The following MYO16 variants were observed in gnomAD, a reference collection of about 807,000 sequenced individuals.
MYO16 encodes myosin XVI.
A neutral mutation model predicts 205.3 loss-of-function variants in MYO16; 94 were observed. That is an observed-to-expected ratio of 0.46 (90% CI 0.39 to 0.54). MYO16 has a LOEUF of 0.54. MYO16 is among the 20% of genes least tolerant of loss of function. MYO16 has a pLI of 0.00. For missense variants in MYO16, 2,315 were observed against 2,387.5 expected (o/e 0.97, Z 0.63); for synonymous variants, 988 against 954.0 (o/e 1.04, Z -0.66).
chr13:108,565,330 T>A, the MYO16 span, among the ~76,000 whole-genome samples: 3 of 152,184 alleles, frequency 2.0e-5, no homozygotes, highest in Non-Finnish European at 4.4e-5. Flanking sequence ...TATCTTTTAA[T>A]TTTTTTGTCC....
chr13:109,049,926 C>CTGTGTGTGTGTG (rs35960970), intron 24 of MYO16, among the ~76,000 whole-genome samples: 18 of 105,986 alleles, frequency 1.7e-4, no homozygotes, highest in East Asian at 3.7e-4. Context: ...TTCCTTTGTC[C>CTGTGTGTGTGTG]TGTGTGTGTG....
chr13:109,147,124 ACT>A (rs1356565937), intron 32 of MYO16, among the ~76,000 whole-genome samples: 1 of 151,744 alleles, frequency 6.6e-6, no homozygotes, highest in Non-Finnish European at 1.5e-5. Context: ...AAGCAATGTG[ACT>A]CTGCAAATTT....
intron 6 of MYO16, 119 bp downstream of exon 6, chr13:108,793,759 T>C: frequency 8.5e-7 from 1 of 1,179,568 alleles, no homozygotes. Flanking sequence ...GTAATACATG[T>C]CAATTGTAGA....
At chr13:108,966,399 T>A (rs888810711) in intron 20 of MYO16, among the ~76,000 whole-genome samples, 8 of 152,202 alleles carry the variant, frequency 5.3e-5, no homozygotes, top group Admixed American at 3.9e-4. Context: ...CATTTGACAT[T>A]TAAATTTTAC....
At chr13:108,844,719 T>C (rs1349732914) in intron 10 of MYO16, among the ~76,000 whole-genome samples, 9 of 99,030 alleles carry the variant, frequency 9.1e-5, no homozygotes, top group African/African-American at 3.6e-4. Flanking sequence ...TTTTGACTTA[T>C]AACCAGGAAT....
intron 2 of MYO16, among the ~76,000 whole-genome samples, chr13:108,670,822 A>G (rs1299931189): frequency 1.3e-5 from 2 of 152,180 alleles, no homozygotes; most frequent in Non-Finnish European, 2.9e-5. Flanking sequence ...ACATGTATAT[A>G]TGGATGCCAT....
At chr13:108,553,488 T>C in the MYO16 span, among the ~76,000 whole-genome samples, 2 of 152,174 alleles carry the variant, frequency 1.3e-5, no homozygotes, top group African/African-American at 2.4e-5. Context: ...ATAATGTTTA[T>C]TTTGTCTACA....
chr13:108,963,529 G>T (rs960955226), intron 19 of MYO16, among the ~76,000 whole-genome samples: 2 of 152,022 alleles, frequency 1.3e-5, no homozygotes, highest in African/African-American at 4.8e-5. Flanking sequence ...GACACTCCTG[G>T]TTCCTCTTTT....
upstream of MYO16, among the ~76,000 whole-genome samples, chr13:108,624,861 A>C (rs568903623): frequency 6.6e-6 from 1 of 150,430 alleles, no homozygotes; most frequent in African/African-American, 2.5e-5. Flanking sequence ...ACATGCATGT[A>C]TTTGCTATTA....
chr13:108,564,175 T>C, the MYO16 span, among the ~76,000 whole-genome samples: 3 of 49,290 alleles, frequency 6.1e-5, no homozygotes, highest in Non-Finnish European at 1.5e-4. Flanking sequence ...TTGCCTTCTT[T>C]TTTTTTTTTT....
chr13:108,823,016 A>T, intron 8 of MYO16, 109 bp from the exon 9 acceptor site: 2 of 1,065,108 alleles, frequency 1.9e-6, no homozygotes, highest in East Asian at 4.8e-5. Context: ...TGATTCATAC[A>T]TTGATAAATT....
At chr13:109,038,797 T>G (rs1385202101) in intron 23 of MYO16, among the ~76,000 whole-genome samples, 2 of 152,206 alleles carry the variant, frequency 1.3e-5, no homozygotes, top group Admixed American at 6.5e-5. Context: ...GTTATATTTA[T>G]TGAAATTACA....
intron 2 of MYO16, among the ~76,000 whole-genome samples, chr13:108,671,428 C>T: frequency 6.6e-6 from 1 of 152,084 alleles, no homozygotes; most frequent in Admixed American, 6.6e-5. Context: ...GGGAAATATC[C>T]TCAGCAAGGC....
chr13:108,972,748 T>C (rs977024834), intron 20 of MYO16, among the ~76,000 whole-genome samples: 1 of 151,948 alleles, frequency 6.6e-6, no homozygotes, highest in Non-Finnish European at 1.5e-5. Context: ...AACATGCCTG[T>C]CTAGGGTCCA....
chr13:108,957,901 A>T (rs1883437937), intron 17 of MYO16, 102 bp downstream of exon 17: 1 of 925,630 alleles, frequency 1.1e-6, no homozygotes, highest in African/African-American at 1.6e-5. Flanking sequence ...GACATTCCAG[A>T]TGTTGCCGAG....
Position 109,076,398 on chromosome 13 carries a change from T to TG in MYO16, c.3335+20803_3335+20804insG, listed in dbSNP as rs1432145490. Among the ~76,000 whole-genome samples the TG allele has an allele frequency of 4.6e-5, 7 of 152,280 alleles. No homozygotes were observed. In the East Asian group the frequency reaches 1.4e-3, roughly 29 times the overall value. ...AACATTTAATGTAAACTTCCCTCTG[T>TG]TTGTTGAAACAACACAGAGTTGATG... On this transcript the variant is annotated intron_variant, in intron 27 of 34. Transcript: ENST00000457511.
Position 108,883,162 on chromosome 13 carries a change from A to G in MYO16, c.1529A>G (p.Gln510Arg). ...GCCTTTCACCAGCTCTTCCGGGAACAGCGGCCTCAGTGTTTCATCCTCAGG... is the reference window on the plus strand; with the variant it reads ...GCCTTTCACCAGCTCTTCCGGGAACGGCGGCCTCAGTGTTTCATCCTCAGG... ...ERAFHQLFRE[Q>R]RPQCFILSGE... The change falls in exon 13 of 35, where the codon CAG (glutamine) becomes CGG (arginine). Residue 510 changes from glutamine (Q) to arginine (R), a missense_variant. Around this residue, in one of 3 missense-constraint regions of MYO16, gnomAD observed 1,213 missense variants for 1,274.4 expected, o/e 0.95. Coordinates refer to ENST00000457511, the MANE Select transcript of MYO16 (RefSeq NM_001198950.3). 6.2e-7 allele frequency: 1 copy of G among 1,613,978 alleles called. No individual in the cohort carries two copies. The highest frequency in any genetic ancestry group is 8.5e-7 in the Non-Finnish European group (1 of 1,179,896).
intron 32 of MYO16, among the ~76,000 whole-genome samples, chr13:109,145,767 A>C (rs879909800): frequency 3.3e-5 from 5 of 152,220 alleles, no homozygotes; most frequent in Non-Finnish European, 5.9e-5. Context: ...TCTGAATGGC[A>C]TCTCAGCGTC....
At chr13:108,988,423 C>T (rs192754828) in intron 20 of MYO16, among the ~76,000 whole-genome samples, 131 of 151,868 alleles carry the variant, frequency 8.6e-4, no homozygotes, top group African/African-American at 3.1e-3. Flanking sequence ...AGTTTTTCTC[C>T]TGACAATGGA....
Sources: allele counts gnomAD v4.1 joint callset (sites outside exome capture counted in the v4.1 genomes callset), GRCh38; gene constraint gnomAD v4.1.1; regional missense constraint gnomAD v4.1.1; transcripts MANE v1.5; gene names NCBI Gene and HGNC (gene_info 2026-07-23, HGNC 2026-07-21).